The following SLC41A2 variants were observed in gnomAD, a reference collection of about 807,000 sequenced individuals.
The protein encoded by SLC41A2 is solute carrier family 41 member 2.
Under a neutral mutation model 58.3 loss-of-function variants are expected in SLC41A2, and 32 were observed. The ratio of observed to expected loss-of-function variants is 0.55; its 90% CI spans 0.41 to 0.74. SLC41A2 has a LOEUF of 0.74. SLC41A2 is among the 30% of genes least tolerant of loss of function. SLC41A2 has a pLI of 0.00. For synonymous variants in SLC41A2, 190 were observed against 235.0 expected, an observed-to-expected ratio of 0.81 and a Z score of 1.75; for missense variants, 514 against 680.6, an observed-to-expected ratio of 0.76 and a Z score of 2.72.
intron 6 of SLC41A2, among the ~76,000 whole-genome samples, chr12:104,879,678 A>G (rs2044261031): frequency 6.6e-6 from 1 of 152,176 alleles, no homozygotes; most frequent in Non-Finnish European, 1.5e-5. Flanking sequence ...TACAAGTACT[A>G]TGCTGTTTTG....
chr12:104,936,383 T>C (rs2047271272), intron 1 of SLC41A2, among the ~76,000 whole-genome samples: 1 of 152,214 alleles, frequency 6.6e-6, no homozygotes, highest in Non-Finnish European at 1.5e-5. Flanking sequence ...CTTGACCCTA[T>C]GGAGGCCTAT....
chr12:104,818,214 A>C (rs2041490911), intron 10 of SLC41A2, among the ~76,000 whole-genome samples: 1 of 152,212 alleles, frequency 6.6e-6, no homozygotes, highest in Admixed American at 6.5e-5. Context: ...ACTAATAGCA[A>C]AAATAATAGA....
intron 7 of SLC41A2, among the ~76,000 whole-genome samples, chr12:104,863,560 T>C (rs1216564119): frequency 6.6e-6 from 1 of 152,250 alleles, no homozygotes; most frequent in African/African-American, 2.4e-5. Flanking sequence ...TAGTTTCTTA[T>C]GGCATTTAGT....
In SLC41A2 at chr12:104,802,405, G is replaced by T. The variant is rs1375920643; in HGVS notation, c.*2747C>A. On this transcript the variant is annotated 3_prime_UTR_variant, in exon 11 of 11. Coordinates refer to ENST00000258538, the MANE Select transcript of SLC41A2 (RefSeq NM_001352171.3). ...CATACTTACGTGAAGGCTTTCAAAA[G>T]GTCAGTAATAATTTAAAGGAATCTA... 6.6e-6 allele frequency: 1 copy of T among 152,110 alleles called. No individual in the cohort carries two copies. The highest frequency in any genetic ancestry group is 2.4e-5 in the African/African-American group (1 of 41,424). The allele number at this position is 152,110 out of a possible 1,614,324, so 9.4% of individuals were successfully genotyped here.
At chr12:104,841,316 A>C (rs1244806324) in intron 10 of SLC41A2, among the ~76,000 whole-genome samples, 1 of 120,770 alleles carries the variant, frequency 8.3e-6, no homozygotes, top group Non-Finnish European at 1.9e-5. Flanking sequence ...AGAATAAAAA[A>C]TCTAGGTTTT....
At chr12:104,883,698 C>G (rs1339551446) in intron 6 of SLC41A2, among the ~76,000 whole-genome samples, 1 of 152,178 alleles carries the variant, frequency 6.6e-6, no homozygotes. Flanking sequence ...CTGCCTGATC[C>G]TTCCTCTGGA....
chr12:104,887,771 T>G (rs974035174), intron 5 of SLC41A2, among the ~76,000 whole-genome samples: 1 of 151,980 alleles, frequency 6.6e-6, no homozygotes, highest in African/African-American at 2.4e-5. Context: ...GTTTTAGTTC[T>G]GATTCAGCTG....
chr12:104,857,388 T>C (rs1174099026), intron 8 of SLC41A2, among the ~76,000 whole-genome samples: 3 of 152,146 alleles, frequency 2.0e-5, no homozygotes, highest in Non-Finnish European at 4.4e-5. Context: ...AATAGGAACA[T>C]GTTTACACTG....
At chr12:104,854,570 C>CA (rs368169411) in intron 8 of SLC41A2, among the ~76,000 whole-genome samples, 9,647 of 140,808 alleles carry the variant, frequency 0.069, 360 homozygotes, top group East Asian at 0.13. Context: ...CTCAAAAAAA[C>CA]AAAAAAAAAA....
chr12:104,941,781 T>C (rs1320742137), intron 1 of SLC41A2, among the ~76,000 whole-genome samples: 1 of 152,226 alleles, frequency 6.6e-6, no homozygotes, highest in East Asian at 1.9e-4. Context: ...AAAACCTAGA[T>C]GATGGGTTGA....
intron 3 of SLC41A2, among the ~76,000 whole-genome samples, chr12:104,903,707 C>T (rs544147928): frequency 7.2e-5 from 11 of 152,218 alleles, no homozygotes; most frequent in South Asian, 4.1e-4. Context: ...TTCTTATTTA[C>T]GTTTTCTTAT....
At chr12:104,907,264 C>T (rs1034931312) in intron 3 of SLC41A2, among the ~76,000 whole-genome samples, 104 of 145,320 alleles carry the variant, frequency 7.2e-4, no homozygotes, top group African/African-American at 2.2e-3. Context: ...ACAAGATATT[C>T]GAGATTCATT....
intron 2 of SLC41A2, among the ~76,000 whole-genome samples, chr12:104,913,426 T>TAA (rs2046168770): frequency 6.6e-6 from 1 of 152,166 alleles, no homozygotes; most frequent in African/African-American, 2.4e-5. Context: ...CCCTCTTTTG[T>TAA]AGTTTCAGCA....
At chr12:104,852,911 T>G (rs2042855535) in intron 8 of SLC41A2, among the ~76,000 whole-genome samples, 1 of 152,186 alleles carries the variant, frequency 6.6e-6, no homozygotes, top group Admixed American at 6.5e-5. Flanking sequence ...CTGTCAACAT[T>G]TCTTTTAAAT....
intron 10 of SLC41A2, among the ~76,000 whole-genome samples, chr12:104,825,792 A>G (rs1350023187): frequency 1.3e-5 from 2 of 152,240 alleles, no homozygotes; most frequent in African/African-American, 4.8e-5. Flanking sequence ...GTAAATGGGC[A>G]GGACCAATTC....
intron 4 of SLC41A2, among the ~76,000 whole-genome samples, chr12:104,890,846 G>C (rs984977756): frequency 6.6e-6 from 1 of 152,190 alleles, no homozygotes; most frequent in Non-Finnish European, 1.5e-5. Context: ...ATCTGTGACA[G>C]GCGATCTGCC....
intron 1 of SLC41A2, among the ~76,000 whole-genome samples, chr12:104,945,316 C>T (rs773797228): frequency 2.6e-5 from 4 of 151,668 alleles, no homozygotes; most frequent in Admixed American, 6.6e-5. Flanking sequence ...CTGGCTAATG[C>T]GGTGAAACCC....
chr12:104,928,791 GT>G (rs1400012523), intron 1 of SLC41A2, 97 bp from the exon 2 acceptor site: 1 of 281,870 alleles, frequency 3.5e-6, no homozygotes, highest in Admixed American at 4.7e-5. Flanking sequence ...AAAAACACAT[GT>G]TCTTAAACCA....
chr12:104,858,425 G>A (rs1230860014), intron 8 of SLC41A2, among the ~76,000 whole-genome samples: 3 of 151,986 alleles, frequency 2.0e-5, no homozygotes, highest in Non-Finnish European at 2.9e-5. Flanking sequence ...AGGATTATAC[G>A]ACACAACATG....
Sources: gnomAD v4.1 joint callset for allele counts (sites outside exome capture counted in the v4.1 genomes callset) on GRCh38, gnomAD v4.1.1 for gene constraint, MANE v1.5 for transcripts, NCBI Gene and HGNC (gene_info 2026-07-23, HGNC 2026-07-21) for gene names.